The following ZC3H7A variants were observed in gnomAD, a reference collection of about 807,000 sequenced individuals.
The protein encoded by ZC3H7A is zinc finger CCCH-type containing 7A.
Under a neutral mutation model 125.5 loss-of-function variants are expected in ZC3H7A, and 44 were observed. The observed-to-expected ratio is 0.35, with a 90% CI of 0.28 to 0.45. ZC3H7A has a LOEUF of 0.45. Among genes scored for constraint, ZC3H7A ranks in the 20% least tolerant of loss-of-function variants. The pLI, the probability that ZC3H7A is intolerant of heterozygous loss-of-function variation, is 1.00. For synonymous variants in ZC3H7A, 399 were observed against 391.2 expected, an observed-to-expected ratio of 1.02 and a Z score of -0.23; for missense variants, 977 against 1,170.7, an observed-to-expected ratio of 0.83 and a Z score of 2.41.
intron 19 of ZC3H7A, among the ~76,000 whole-genome samples, chr16:11,760,567 G>A (rs1175312004): frequency 3.3e-5 from 5 of 152,156 alleles, no homozygotes; most frequent in East Asian, 3.9e-4. Flanking sequence ...GCAGTTCAGA[G>A]AGAGGCCTCA....
At chr16:11,787,995 C>A (rs2141217452) in intron 1 of ZC3H7A, among the ~76,000 whole-genome samples, 1 of 151,482 alleles carries the variant, frequency 6.6e-6, no homozygotes, top group South Asian at 2.1e-4. Flanking sequence ...GCCCCCTCGT[C>A]CAGCCCCATA....
rs1318842466 is a variant in ZC3H7A, at chr16:11,768,325, AAAAC to A, written c.1346_1349del (p.Cys449LeufsTer2). The A allele has an allele frequency of 6.5e-7, 1 of 1,539,662 alleles. No individual in the cohort carries two copies. The stretch of plus-strand genomic sequence containing the variant: ...TTGTTTGGTCCTGACCTGATTTTAC[AAAAC>A]AGATCTGGCAAGCTTGTCTCAATTC... On this transcript the variant is annotated frameshift_variant, in exon 12 of 23. Coordinates refer to ENST00000355758, the MANE Select transcript of ZC3H7A (RefSeq NM_014153.4). LOFTEE classifies it high-confidence loss of function.
chr16:11,776,277 C>G (rs1240179516), intron 7 of ZC3H7A, 43 bp downstream of exon 7: 2 of 1,546,852 alleles, frequency 1.3e-6, no homozygotes, highest in Admixed American at 2.1e-5. Flanking sequence ...CCCATCCTTC[C>G]CTTTAAAAAA....
At chr16:11,785,100 G>C (rs1329792804) in intron 1 of ZC3H7A, among the ~76,000 whole-genome samples, 2 of 152,194 alleles carry the variant, frequency 1.3e-5, no homozygotes, top group Admixed American at 1.3e-4. Context: ...GGAGGTTGCA[G>C]TGAGCCGAGA....
In ZC3H7A at chr16:11,765,164, G is replaced by C. The variant is rs371510295; in HGVS notation, c.1720-11C>G. The C allele has an allele frequency of 1.4e-6, 2 of 1,464,412 alleles. No individual in the cohort carries two copies. The highest frequency in any genetic ancestry group is 2.9e-5 in the African/African-American group (2 of 68,370). 90.7% of individuals were successfully genotyped at this position (1,464,412 alleles called of 1,614,324 possible). On this transcript the variant is annotated splice_polypyrimidine_tract_variant and intron_variant, in intron 14 of 22. Coordinates refer to ENST00000355758, the MANE Select transcript of ZC3H7A (RefSeq NM_014153.4). This position sits in a 1 kb window ranked among gnomAD's most constrained non-coding sequence, Gnocchi z 4.8. ...ATGATCAAAACATTTCTGGAATAGA[G>C]AGAGAAAGATTATCAAAAAAAATAC...
chr16:11,776,899 T>C lies in ZC3H7A; in HGVS notation c.317A>G (p.Asp106Gly). Residue 106 changes from aspartate (D) to glycine (G), a missense_variant, in exon 5 of 23, where the codon GAT becomes GGT. Physicochemically the swap from Asp to Gly is moderately conservative, Grantham distance 94. Transcript: ENST00000355758. ...IACYSNMGFH[D>G]KVLEDCNIVL... is the part of the protein sequence containing the mutation. ...TATATTGCAGTCCTCCAAAACTTTATCATGGAAACCCTGGTGTGTAAGACC... is the reference window on the plus strand; with the variant it reads ...TATATTGCAGTCCTCCAAAACTTTACCATGGAAACCCTGGTGTGTAAGACC... 6.3e-7 allele frequency: 1 copy of C among 1,597,922 alleles called. No individual in the cohort carries two copies. Among genetic ancestry groups the C allele is most frequent in the South Asian group, 1.1e-5 (1 of 87,732 alleles).
At chr16:11,762,211 C>T (rs1271634695) in intron 17 of ZC3H7A, among the ~76,000 whole-genome samples, 168 bp from the exon 18 acceptor site, 1 of 152,026 alleles carries the variant, frequency 6.6e-6, no homozygotes, top group Non-Finnish European at 1.5e-5. Context: ...ATTCTCCCCC[C>T]AAATGTAAGA....
At chr16:11,772,739 C>T (rs1002401726) in intron 9 of ZC3H7A, among the ~76,000 whole-genome samples, 1 of 151,290 alleles carries the variant, frequency 6.6e-6, no homozygotes, top group South Asian at 2.1e-4. Context: ...ATCTGTCACC[C>T]AGGGTGGAGT....
intron 1 of ZC3H7A, among the ~76,000 whole-genome samples, chr16:11,785,840 C>A (rs1490128699): frequency 6.6e-6 from 1 of 152,144 alleles, no homozygotes; most frequent in East Asian, 1.9e-4. Flanking sequence ...AGGATGGTCT[C>A]GATCTCCTGA....
intron 20 of ZC3H7A, 104 bp from the exon 21 acceptor site, chr16:11,756,474 C>A: frequency 7.1e-7 from 1 of 1,414,976 alleles, no homozygotes. Context: ...TCAAAAGAAA[C>A]TCAAGGGGGC....
At chr16:11,771,846 G>C (rs1013605685) in intron 9 of ZC3H7A, among the ~76,000 whole-genome samples, 6 of 152,054 alleles carry the variant, frequency 3.9e-5, no homozygotes, top group African/African-American at 1.4e-4. Context: ...TGTTTCATCT[G>C]CAAAACTTCC....
At chr16:11,769,915 A>C (rs2052949405) in intron 10 of ZC3H7A, among the ~76,000 whole-genome samples, 1 of 146,758 alleles carries the variant, frequency 6.8e-6, no homozygotes, top group African/African-American at 2.6e-5. Flanking sequence ...TCCACCTCCC[A>C]AGTAACTGGG....
chr16:11,780,535 A>T (rs1180823949), intron 3 of ZC3H7A, among the ~76,000 whole-genome samples: 2 of 152,172 alleles, frequency 1.3e-5, no homozygotes, highest in Non-Finnish European at 2.9e-5. Flanking sequence ...TAGCTGATTA[A>T]ATTATTTTAG....
chr16:11,767,629 A>G, intron 12 of ZC3H7A, 51 bp from the exon 13 acceptor site: 1 of 1,463,974 alleles, frequency 6.8e-7, no homozygotes, highest in Non-Finnish European at 9.1e-7. Context: ...ATATCATTTC[A>G]TTTTACAGGT....
chr16:11,751,697 T>C (rs1010985270), intron 22 of ZC3H7A, among the ~76,000 whole-genome samples, 191 bp from the exon 23 acceptor site: 4 of 152,164 alleles, frequency 2.6e-5, no homozygotes, highest in African/African-American at 7.2e-5. Flanking sequence ...TTTATTTAAA[T>C]ATACTCTATG....
intron 12 of ZC3H7A, 44 bp from the exon 13 acceptor site, chr16:11,767,622 T>C (rs753398761): frequency 1.4e-6 from 2 of 1,473,456 alleles, no homozygotes; most frequent in African/African-American, 2.9e-5. Context: ...ACAAAAAATA[T>C]CATTTCATTT....
At chr16:11,754,262 G>A (rs1354179187) in intron 21 of ZC3H7A, among the ~76,000 whole-genome samples, 6 of 140,792 alleles carry the variant, frequency 4.3e-5, no homozygotes, top group South Asian at 2.2e-4. Context: ...TCTGTACTCC[G>A]GCCTGGATGA....
chr16:11,795,736 C>A (rs747113067), intron 1 of ZC3H7A, among the ~76,000 whole-genome samples: 2 of 152,140 alleles, frequency 1.3e-5, no homozygotes, highest in Non-Finnish European at 2.9e-5. Context: ...CCCCGCCCGG[C>A]CCGTATATGT....
chr16:11,756,323 T>G lies in ZC3H7A; in HGVS notation c.2476A>C (p.Asn826His), dbSNP rs149060288. Residue 826 changes from asparagine to histidine, a missense_variant, in exon 21 of 23, where the codon AAT (asparagine) becomes CAT (histidine). Physicochemically the swap from Asn to His is moderately conservative, Grantham distance 68. This residue lies in a region of ZC3H7A where 436 missense variants were observed against 603.2 expected (regional missense o/e 0.72). Coordinates refer to ENST00000355758, the MANE Select transcript of ZC3H7A (RefSeq NM_014153.4). ...CTGGCTATGTCTTCACTTTTTTCAT[T>G]TTTTTGACTCTTGAGCCATAGTTCG... is the stretch of plus-strand genomic sequence containing the variant. Reference protein sequence around the residue: ...FYELWLKSQKNEKSEDIASQS... With the variant: ...FYELWLKSQKHEKSEDIASQS... 5.6e-6 allele frequency: 9 copies of G among 1,614,114 alleles called. No individual in the cohort carries two copies. The highest frequency in any genetic ancestry group is 7.6e-6 in the Non-Finnish European group (9 of 1,180,012).
Sources: gnomAD v4.1 joint callset for allele counts (sites outside exome capture counted in the v4.1 genomes callset) on GRCh38, gnomAD v4.1.1 for gene constraint, gnomAD v4.1.1 regional missense constraint, Gnocchi (gnomAD v3.1) non-coding constraint, MANE v1.5 for transcripts, NCBI Gene and HGNC (gene_info 2026-07-23, HGNC 2026-07-21) for gene names.